Variants in ARID5B observed in about 807,000 individuals in gnomAD.
ARID5B encodes the protein AT-rich interaction domain 5B.
Under a neutral mutation model 97.2 loss-of-function variants are expected in ARID5B, and 13 were observed. That is an observed-to-expected ratio of 0.13 (90% CI 0.09 to 0.21). ARID5B has a LOEUF of 0.21. Among genes scored for constraint, ARID5B ranks in the 10% least tolerant of loss-of-function variants. The pLI, the probability that ARID5B is intolerant of heterozygous loss-of-function variation, is 1.00. For synonymous variants in ARID5B, 556 were observed against 570.3 expected (o/e 0.97, Z 0.36); for missense variants, 1,210 against 1,465.3 (o/e 0.83, Z 2.84).
intron 4 of ARID5B, chr10:62,049,410 C>T: frequency 1.9e-6 from 3 of 1,550,064 alleles, no homozygotes; most frequent in Non-Finnish European, 2.6e-6. Flanking sequence ...AGGGATGTGG[C>T]CGGGGAGCAG....
At chr10:61,902,464 G>T (rs766581818) in intron 2 of ARID5B, 51 bp downstream of exon 2, 2 of 1,597,590 alleles carry the variant, frequency 1.3e-6, no homozygotes, top group African/African-American at 2.7e-5. Context: ...TTTCCCCCTA[G>T]TAATGCTTAT....
At chr10:62,045,580 A>T (rs1416283403) in intron 4 of ARID5B, among the ~76,000 whole-genome samples, 4 of 151,746 alleles carry the variant, frequency 2.6e-5, no homozygotes, top group Non-Finnish European at 5.9e-5. Flanking sequence ...CCTCCCGAGT[A>T]GCTGGGACTA....
At chr10:62,028,715 C>G (rs1342772282) in intron 4 of ARID5B, among the ~76,000 whole-genome samples, 1 of 152,174 alleles carries the variant, frequency 6.6e-6, no homozygotes, top group African/African-American at 2.4e-5. Context: ...AATCCTAGCA[C>G]TTTGGGAGGA....
chr10:62,001,441 T>G (rs1839078873), intron 4 of ARID5B, among the ~76,000 whole-genome samples: 1 of 152,204 alleles, frequency 6.6e-6, no homozygotes, highest in South Asian at 2.1e-4. Flanking sequence ...TTTTGTTGGC[T>G]GATGTTTTCC....
At chr10:61,977,249 G>T (rs1421085683) in intron 3 of ARID5B, among the ~76,000 whole-genome samples, 3 of 152,124 alleles carry the variant, frequency 2.0e-5, no homozygotes, top group African/African-American at 7.2e-5. Flanking sequence ...TCTTTATCCA[G>T]TCTATCATTG....
chr10:62,038,303 C>A (rs932574045), intron 4 of ARID5B, among the ~76,000 whole-genome samples: 2 of 151,398 alleles, frequency 1.3e-5, no homozygotes, highest in Non-Finnish European at 2.9e-5. Context: ...AAGATAAATT[C>A]TGTACCTATA....
intron 4 of ARID5B, among the ~76,000 whole-genome samples, chr10:62,042,540 G>C (rs1002480018): frequency 6.6e-6 from 1 of 152,170 alleles, no homozygotes; most frequent in African/African-American, 2.4e-5. Context: ...TCAGCTCCTA[G>C]ATAGCACCAC....
At chr10:61,902,634 A>C (rs1843635564) in intron 2 of ARID5B, among the ~76,000 whole-genome samples, 2 of 151,888 alleles carry the variant, frequency 1.3e-5, no homozygotes, top group Admixed American at 1.3e-4. Context: ...GATTTTAGTC[A>C]AGATCAAATA....
intron 2 of ARID5B, among the ~76,000 whole-genome samples, chr10:61,906,850 C>T (rs538065298): frequency 3.3e-5 from 5 of 152,276 alleles, no homozygotes; most frequent in African/African-American, 7.2e-5. Flanking sequence ...TCTGTGCCTC[C>T]GTTTTCTCAT....
chr10:62,014,045 A>G (rs1380520719), intron 4 of ARID5B, among the ~76,000 whole-genome samples: 1 of 152,132 alleles, frequency 6.6e-6, no homozygotes, highest in Admixed American at 6.5e-5. Flanking sequence ...GGCTATTGTG[A>G]ATAGTGCTGC....
intron 3 of ARID5B, among the ~76,000 whole-genome samples, chr10:61,961,418 G>A (rs1198195011): frequency 6.6e-6 from 1 of 152,128 alleles, no homozygotes; most frequent in Non-Finnish European, 1.5e-5. Flanking sequence ...CTAGGTTATC[G>A]ATAGCTTTGA....
chr10:61,996,815 A>T (rs1045942284), intron 3 of ARID5B, among the ~76,000 whole-genome samples: 22 of 151,764 alleles, frequency 1.4e-4, no homozygotes, highest in African/African-American at 4.8e-4. Context: ...GAGAGAAGAG[A>T]TTTTGCTTCT....
At chr10:62,060,161 T>C (rs746249146) in intron 7 of ARID5B, among the ~76,000 whole-genome samples, 3 of 152,160 alleles carry the variant, frequency 2.0e-5, no homozygotes, top group Non-Finnish European at 2.9e-5. Context: ...CATAGTAAAA[T>C]GACAGTAAGA....
chr10:62,089,793 G>A (rs1257676421), intron 9 of ARID5B, among the ~76,000 whole-genome samples: 1 of 152,120 alleles, frequency 6.6e-6, no homozygotes, highest in East Asian at 1.9e-4. Context: ...CTCCCTAAGT[G>A]CTGAGATTAC....
chr10:61,960,652 T>C (rs1335031188), intron 3 of ARID5B, among the ~76,000 whole-genome samples: 1 of 150,886 alleles, frequency 6.6e-6, no homozygotes, highest in Non-Finnish European at 1.5e-5. Flanking sequence ...GAGAAGCCCT[T>C]TTTTTTCCCC....
intron 2 of ARID5B, among the ~76,000 whole-genome samples, chr10:61,939,550 A>C (rs1207087402): frequency 6.6e-6 from 1 of 152,202 alleles, no homozygotes; most frequent in African/African-American, 2.4e-5. Flanking sequence ...AAATCAGTTC[A>C]TTTCTCAGCT....
Position 61,984,558 on chromosome 10 carries a change from G to T in ARID5B, c.503-15533G>T, listed in dbSNP as rs192852656. Among the ~76,000 whole-genome samples the T allele has an allele frequency of 2.6e-3, 389 of 152,294 alleles. 3 individuals are homozygous for T. In the South Asian group the frequency reaches 0.029, roughly 11 times the overall value. ...GAGCTTGCTCATGTGGAGGCAGCAGGTGGGGGGGGCCTCAGTCAGCTGAGT... is the reference window on the plus strand; with the variant it reads ...GAGCTTGCTCATGTGGAGGCAGCAGTTGGGGGGGGCCTCAGTCAGCTGAGT... On this transcript the variant is annotated intron_variant, in intron 3 of 9. Coordinates refer to ENST00000279873, the MANE Select transcript of ARID5B (RefSeq NM_032199.3).
At chr10:61,907,394 C>T (rs948622755) in intron 2 of ARID5B, among the ~76,000 whole-genome samples, 1 of 143,956 alleles carries the variant, frequency 6.9e-6, no homozygotes, top group African/African-American at 2.5e-5. Context: ...TCTGAGACCT[C>T]TTAAATGACC....
chr10:61,904,471 A>C (rs1843674850), intron 2 of ARID5B, among the ~76,000 whole-genome samples: 3 of 152,190 alleles, frequency 2.0e-5, no homozygotes, highest in Admixed American at 2.0e-4. Context: ...ATTTCTTTTT[A>C]ATTGTTCATT....
Sources: gnomAD v4.1 joint callset for allele counts (sites outside exome capture counted in the v4.1 genomes callset) on GRCh38, gnomAD v4.1.1 for gene constraint, MANE v1.5 for transcripts, NCBI Gene and HGNC (gene_info 2026-07-23, HGNC 2026-07-21) for gene names.